The following RNF130 variants were observed in gnomAD, a reference collection of about 807,000 sequenced individuals.
The protein encoded by RNF130 is ring finger protein 130.
Under a neutral mutation model 44.6 loss-of-function variants are expected in RNF130, and 21 were observed. The observed-to-expected ratio is 0.47, with a 90% confidence interval of 0.33 to 0.68. The LOEUF is 0.68. RNF130 is among the 30% of genes least tolerant of loss of function. The pLI is 0.02. For synonymous variants in RNF130, 214 were observed against 210.4 expected (o/e 1.02, Z -0.15); for missense variants, 479 against 560.6 (o/e 0.85, Z 1.47).
chr5:180,056,077 G>C (rs1397353676), intron 1 of RNF130, among the ~76,000 whole-genome samples: 1 of 151,392 alleles, frequency 6.6e-6, no homozygotes, highest in Non-Finnish European at 1.5e-5. Context: ...GAGCGAAACT[G>C]GGTCTTAAAA....
At chr5:179,927,559 G>C (rs1164436449) in intron 7 of RNF130, among the ~76,000 whole-genome samples, 1 of 148,882 alleles carries the variant, frequency 6.7e-6, no homozygotes, top group Non-Finnish European at 1.5e-5. Flanking sequence ...CCATAATCCA[G>C]ACTTCTCCCA....
intron 5 of RNF130, among the ~76,000 whole-genome samples, chr5:179,973,099 C>A (rs983104525): frequency 2.0e-5 from 3 of 152,130 alleles, no homozygotes; most frequent in African/African-American, 7.2e-5. Context: ...TCCACCCCAT[C>A]CCTCTCTTAC....
chr5:180,059,208 C>G (rs2113176399), intron 1 of RNF130, among the ~76,000 whole-genome samples: 1 of 152,322 alleles, frequency 6.6e-6, no homozygotes, highest in South Asian at 2.1e-4. Context: ...GAAACATCCT[C>G]CTTTCTGCCC....
intron 3 of RNF130, among the ~76,000 whole-genome samples, chr5:180,010,311 A>T (rs2113079483): frequency 6.6e-6 from 1 of 150,768 alleles, no homozygotes; most frequent in South Asian, 2.1e-4. Context: ...GAAGTGAAGA[A>T]TTCCAAACTC....
At chr5:180,068,744 T>C (rs1331426137) in intron 1 of RNF130, among the ~76,000 whole-genome samples, 1 of 152,238 alleles carries the variant, frequency 6.6e-6, no homozygotes, top group Non-Finnish European at 1.5e-5. Context: ...CTAGGAAAAC[T>C]ATAAAGTTCT....
At chr5:180,042,108 T>C (rs1764434003) in intron 1 of RNF130, among the ~76,000 whole-genome samples, 2 of 152,098 alleles carry the variant, frequency 1.3e-5, no homozygotes. Context: ...AGTGGGAAAA[T>C]GTTGGCTTTC....
At chr5:180,012,344 C>A (rs1271784574) in intron 3 of RNF130, among the ~76,000 whole-genome samples, 4 of 152,114 alleles carry the variant, frequency 2.6e-5, no homozygotes, top group African/African-American at 4.8e-5. Flanking sequence ...GTTTTCTACA[C>A]AAAAAGTCTA....
In RNF130 at chr5:179,988,877, G is replaced by A. The variant is rs1324801238; in HGVS notation, c.694-8677C>T. ...CTGCAGCAATTTGATACAGTGTTCT[G>A]TAAATGTCTGTTACGTCCATTTGGT... On this transcript the variant is annotated intron_variant, in intron 3 of 8. Coordinates refer to ENST00000521389, the MANE Select transcript of RNF130 (RefSeq NM_018434.6). Among the ~76,000 whole-genome samples, 5 of 152,200 alleles carry A rather than the reference G, an allele frequency of 3.3e-5. No individual in the cohort carries two copies. The South Asian group carries it at 8.3e-4, about 25-fold the overall frequency.
chr5:180,038,381 G>A (rs1333948335), intron 2 of RNF130, among the ~76,000 whole-genome samples: 10 of 134,104 alleles, frequency 7.5e-5, no homozygotes, highest in African/African-American at 1.0e-4. Flanking sequence ...ACCCTGTCTC[G>A]GGGAGGGGGA....
chr5:180,047,725 C>T (rs1764599282), intron 1 of RNF130, among the ~76,000 whole-genome samples: 1 of 152,196 alleles, frequency 6.6e-6, no homozygotes, highest in South Asian at 2.1e-4. Flanking sequence ...GCCTGGGCGA[C>T]AGAGTGAGAC....
intron 1 of RNF130, among the ~76,000 whole-genome samples, chr5:180,066,533 A>G (rs1765111148): frequency 6.6e-6 from 1 of 152,234 alleles, no homozygotes; most frequent in Non-Finnish European, 1.5e-5. Context: ...GTTTGTTTAA[A>G]AAGATTTGTC....
intron 2 of RNF130, among the ~76,000 whole-genome samples, chr5:180,031,511 G>A (rs751458576): frequency 6.6e-6 from 1 of 152,074 alleles, no homozygotes; most frequent in Non-Finnish European, 1.5e-5. Context: ...AAATTTGGGG[G>A]GAGGCAAAAG....
chr5:179,937,812 A>T (rs190916485), intron 7 of RNF130, among the ~76,000 whole-genome samples: 68 of 152,204 alleles, frequency 4.5e-4, no homozygotes, highest in African/African-American at 1.6e-3. Flanking sequence ...CCATCAGTGG[A>T]TGAGGAGATG....
chr5:180,011,075 C>T (rs778304568), intron 3 of RNF130, among the ~76,000 whole-genome samples: 2 of 152,172 alleles, frequency 1.3e-5, no homozygotes, highest in Non-Finnish European at 2.9e-5. Flanking sequence ...CAAATGCAAG[C>T]AAATCTACAT....
At chr5:179,950,273 C>T (rs569295588), downstream of RNF130, among the ~76,000 whole-genome samples, 5 of 152,122 alleles carry the variant, frequency 3.3e-5, no homozygotes, top group Admixed American at 2.0e-4. Flanking sequence ...CCTGCCACCA[C>T]GCCTGGCTAA....
rs538298885 is a variant in RNF130 at position 179,931,395 on chromosome 5, GT to G, written c.1151-10970del. ...ACATTTTCTGTGTTCTTTTGTGTGT[GT>G]GCTTTAAGTGTAGCTTTTTTGTTTT... On this transcript the variant is annotated intron_variant, in intron 7 of 7. Coordinates refer to the RNF130 transcript ENST00000522208. Among the ~76,000 whole-genome samples the G allele has an allele frequency of 4.6e-4, 70 of 152,294 alleles. No homozygotes were observed. In the South Asian group the frequency reaches 0.014, roughly 31 times the overall value.
chr5:179,913,778 C>T (rs1582116912), exon 8 of RNF130: 1 of 152,306 alleles, frequency 6.6e-6, no homozygotes, highest in Admixed American at 6.5e-5. Flanking sequence ...ACCCAGCCCT[C>T]TCAGCCAGGC....
chr5:179,963,449 C>A (rs1352707279), intron 8 of RNF130, 22 bp downstream of exon 8: 3 of 1,591,004 alleles, frequency 1.9e-6, no homozygotes, highest in Admixed American at 3.3e-5. Context: ...CACATGCAAT[C>A]CAAAAACAAT....
chr5:180,010,454 A>G (rs980618098), intron 3 of RNF130, among the ~76,000 whole-genome samples: 1 of 151,856 alleles, frequency 6.6e-6, no homozygotes, highest in Non-Finnish European at 1.5e-5. Context: ...CTGCCTCCCA[A>G]GTTCAAGCAA....
Sources: gnomAD v4.1 joint callset for allele counts (sites outside exome capture counted in the v4.1 genomes callset) on GRCh38, gnomAD v4.1.1 for gene constraint, MANE v1.5 for transcripts, NCBI Gene and HGNC (gene_info 2026-07-23, HGNC 2026-07-21) for gene names.